Variants in NUP160 observed in about 807,000 individuals in gnomAD.
The protein encoded by NUP160 is nuclear pore complex protein Nup160.
Under a neutral mutation model 196.9 loss-of-function variants are expected in NUP160, and 94 were observed. That is an observed-to-expected ratio of 0.48 (90% confidence interval 0.40 to 0.57). The LOEUF (loss-of-function observed/expected upper bound fraction) is 0.57. NUP160 is among the 20% of genes least tolerant of loss of function. The pLI, the probability that NUP160 is intolerant of heterozygous loss-of-function variation, is 0.00. For synonymous variants in NUP160, 605 were observed against 619.7 expected (o/e 0.98, Z 0.35); for missense variants, 1,638 against 1,748.3 (o/e 0.94, Z 1.13).
At chr11:47,791,656 A>G (rs1334222718) in intron 29 of NUP160, among the ~76,000 whole-genome samples, 3 of 152,026 alleles carry the variant, frequency 2.0e-5, no homozygotes, top group Non-Finnish European at 4.4e-5. Context: ...AACTTTTTCA[A>G]TATTTCTAGG....
chr11:47,822,822 T>C (rs908033468), intron 7 of NUP160, among the ~76,000 whole-genome samples: 2 of 152,200 alleles, frequency 1.3e-5, no homozygotes, highest in African/African-American at 4.8e-5. Context: ...ACGTGGTGTT[T>C]GGTTTTCTGT....
exon 32 of NUP160, chr11:47,786,532 C>T (rs938177963): frequency 1.9e-6 from 3 of 1,613,546 alleles, no homozygotes; most frequent in Non-Finnish European, 2.5e-6. Flanking sequence ...GCTGCCTCTC[C>T]TCCAAATTGC....
exon 36 of NUP160, chr11:47,779,049 T>C: frequency 1.6e-6 from 2 of 1,222,836 alleles, no homozygotes; most frequent in South Asian, 1.2e-5. Context: ...TCCTGTAGGG[T>C]AGTCTTAAGT....
chr11:47,797,323 C>A (rs78244198), intron 27 of NUP160, among the ~76,000 whole-genome samples: 1 of 152,112 alleles, frequency 6.6e-6, no homozygotes, highest in Admixed American at 6.5e-5. Context: ...CTCCGCCCCC[C>A]GCCCCACCCT....
chr11:47,834,330 G>C (rs1459179462), intron 7 of NUP160, among the ~76,000 whole-genome samples: 1 of 152,150 alleles, frequency 6.6e-6, no homozygotes, highest in Non-Finnish European at 1.5e-5. Flanking sequence ...GGAAGTTAGA[G>C]CAGGGTCAAT....
At chr11:47,813,793 C>A (rs761780002) in intron 13 of NUP160, among the ~76,000 whole-genome samples, 9 of 150,498 alleles carry the variant, frequency 6.0e-5, no homozygotes, top group African/African-American at 2.2e-4. Context: ...GCCACTGGGC[C>A]GGGCGCAGTG....
At chr11:47,789,757 A>C (rs7114011) in intron 29 of NUP160, among the ~76,000 whole-genome samples, 33,933 of 151,752 alleles carry the variant, frequency 0.22, 4,843 homozygotes, top group South Asian at 0.46. Flanking sequence ...ACTACTGTCT[A>C]AATTGCATGT....
chr11:47,840,553 T>G, exon 3 of NUP160: 2 of 1,612,452 alleles, frequency 1.2e-6, no homozygotes, highest in Middle Eastern at 1.7e-4. Context: ...GTCCAGTGAC[T>G]CCTCCATCAG....
intron 2 of NUP160, chr11:47,841,405 T>G (rs1719904640): frequency 2.2e-6 from 1 of 463,132 alleles, no homozygotes; most frequent in South Asian, 2.4e-5. Flanking sequence ...GACCAACCGC[T>G]CAGAATTCAT....
chr11:47,808,036 A>G (rs970344790), intron 18 of NUP160, among the ~76,000 whole-genome samples: 2 of 152,222 alleles, frequency 1.3e-5, no homozygotes, highest in Non-Finnish European at 2.9e-5. Flanking sequence ...TAATCCCAGC[A>G]CTTTGGGAGG....
At chr11:47,813,810 G>A (rs529944271) in intron 13 of NUP160, among the ~76,000 whole-genome samples, 3 of 151,764 alleles carry the variant, frequency 2.0e-5, no homozygotes, top group Admixed American at 6.6e-5. Context: ...AGTGGCTCAC[G>A]CCTGTAATCC....
At chr11:47,812,483 T>C (rs2097681741) in intron 15 of NUP160, 54 bp from the exon 16 acceptor site, 3 of 1,531,968 alleles carry the variant, frequency 2.0e-6, no homozygotes, top group African/African-American at 1.4e-5. Context: ...TAAGGCAAGT[T>C]CTATATGTCC....
intron 20 of NUP160, 152 bp from the exon 21 acceptor site, chr11:47,804,770 G>T: frequency 1.8e-6 from 1 of 550,220 alleles, no homozygotes; most frequent in Non-Finnish European, 3.2e-6. Context: ...ATCATCACTA[G>T]AATACAGTTA....
At chr11:47,795,121 C>A (rs968570181) in intron 27 of NUP160, among the ~76,000 whole-genome samples, 6 of 151,962 alleles carry the variant, frequency 3.9e-5, no homozygotes, top group African/African-American at 1.4e-4. Context: ...CATAGATTCT[C>A]ATTTTTATAA....
At chr11:47,783,092 T>C (rs1314909102) in exon 34 of NUP160, 1 of 1,613,724 alleles carries the variant, frequency 6.2e-7, no homozygotes, top group Admixed American at 1.7e-5. Context: ...GAAGTATTGA[T>C]GTCCTTTTCC....
At chr11:47,815,516 A>C in exon 13 of NUP160, 2 of 1,608,842 alleles carry the variant, frequency 1.2e-6, no homozygotes, top group Non-Finnish European at 1.7e-6. Context: ...GTGTGGATTC[A>C]AATGTAGGGC....
chr11:47,784,114 A>ATT (rs1565185585), intron 33 of NUP160, among the ~76,000 whole-genome samples: 2 of 152,192 alleles, frequency 1.3e-5, no homozygotes, highest in African/African-American at 4.8e-5. Context: ...TCCTTATCCT[A>ATT]CTAACGGTGG....
chr11:47,791,788 C>G (rs748670581), intron 29 of NUP160, 142 bp downstream of exon 29: 24 of 592,314 alleles, frequency 4.1e-5, no homozygotes, highest in African/African-American at 5.9e-5. Context: ...TTGTGTTTTA[C>G]AAGGGCAACT....
chr11:47,814,327 G>A (rs977733313), intron 13 of NUP160, among the ~76,000 whole-genome samples: 2 of 151,824 alleles, frequency 1.3e-5, no homozygotes, highest in Non-Finnish European at 2.9e-5. Context: ...GATCACCTGA[G>A]CCCAGGAATT....
Sources: gnomAD v4.1 joint callset for allele counts (sites outside exome capture counted in the v4.1 genomes callset) on GRCh38, gnomAD v4.1.1 for gene constraint, MANE v1.5 for transcripts, NCBI Gene and HGNC (gene_info 2026-07-23, HGNC 2026-07-21) for gene names.